CBLB: variants seen among roughly 807,000 people sequenced by gnomAD.
The protein encoded by CBLB is E3 ubiquitin-protein ligase CBL-B.
Under a neutral mutation model 104.9 loss-of-function variants are expected in CBLB, and 31 were observed. That is an observed-to-expected ratio of 0.30 (90% CI 0.22 to 0.40). The LOEUF (loss-of-function observed/expected upper bound fraction) is 0.40. Ranked by LOEUF, CBLB falls within the 10% of genes least tolerant of loss-of-function variation. The pLI is 1.00. For missense variants in CBLB, 1,062 were observed against 1,214.6 expected (o/e 0.87, Z 1.87); for synonymous variants, 440 against 422.6 (o/e 1.04, Z -0.51).
intron 1 of CBLB, 170 bp downstream of exon 1, chr3:105,868,566 G>C (rs1278372748): frequency 5.4e-6 from 2 of 367,264 alleles, no homozygotes; most frequent in Non-Finnish European, 8.4e-6. Context: ...CCTCCTCCCC[G>C]GCCTGCGGGT....
rs938393218 is a variant in CBLB at position 105,671,695 on chromosome 3, G to A, written c.2570-1343C>T. 4.9e-5 allele frequency: 10 copies of A among 204,346 alleles called. 1 individual carries two copies. Among genetic ancestry groups the A allele is most frequent in the Admixed American group, 3.6e-4 (6 of 16,762 alleles). The allele number at this position is 204,346 out of a possible 1,614,324, so 12.7% of individuals were successfully genotyped here. On this transcript the variant is annotated intron_variant, in intron 17 of 18. Coordinates refer to ENST00000394030, the MANE Select transcript of CBLB (RefSeq NM_170662.5). The stretch of plus-strand genomic sequence containing the variant: ...TTATATTAGTTTTTGACTGGATAAT[G>A]TAAGGCAGGATTTGAAGCCATTATC...
chr3:105,767,647 T>C (rs915203532), intron 4 of CBLB, among the ~76,000 whole-genome samples: 4 of 151,130 alleles, frequency 2.6e-5, no homozygotes, highest in Non-Finnish European at 5.9e-5. Flanking sequence ...ATTTAGAGAA[T>C]TTGGACCACT....
At chr3:105,830,248 T>C (rs192144928) in intron 3 of CBLB, among the ~76,000 whole-genome samples, 26 of 152,294 alleles carry the variant, frequency 1.7e-4, no homozygotes, top group African/African-American at 6.0e-4. Flanking sequence ...AGCCACGTAA[T>C]AGGTGTCCAA....
At chr3:105,701,256 ATC>A (rs1576443319) in intron 12 of CBLB, among the ~76,000 whole-genome samples, 2 of 152,328 alleles carry the variant, frequency 1.3e-5, no homozygotes, top group East Asian at 1.9e-4. Context: ...AAGGGTGAGA[ATC>A]TCTCAATTTT....
intron 4 of CBLB, among the ~76,000 whole-genome samples, chr3:105,768,518 G>C (rs949632102): frequency 6.6e-6 from 1 of 152,134 alleles, no homozygotes; most frequent in Admixed American, 6.5e-5. Context: ...TATATGGTAC[G>C]TAAAAGACTC....
intron 4 of CBLB, among the ~76,000 whole-genome samples, chr3:105,769,990 T>C (rs2078673210): frequency 6.6e-6 from 1 of 152,162 alleles, no homozygotes; most frequent in African/African-American, 2.4e-5. Context: ...GGAGAGGCTA[T>C]GTAAGAAGAT....
intron 2 of CBLB, among the ~76,000 whole-genome samples, chr3:105,856,854 A>G (rs1274695737): frequency 6.6e-6 from 1 of 152,200 alleles, no homozygotes; most frequent in Non-Finnish European, 1.5e-5. Flanking sequence ...TAGTATAATC[A>G]GAGTTCATTC....
chr3:105,685,469 A>G lies in CBLB; in HGVS notation c.2055-3T>C. On this transcript the variant is annotated splice_polypyrimidine_tract_variant and splice_region_variant and intron_variant, in intron 13 of 18. Transcript: ENST00000394030. ...AATTTGCTAACGGACCAGTACACCT[A>G]CCAGGGGAAAAAAAATCCAATCTAG... The G allele has an allele frequency of 6.2e-7, 1 of 1,612,002 alleles. No homozygotes were observed. Among genetic ancestry groups the G allele is most frequent in the Admixed American group, 1.7e-5 (1 of 59,944 alleles).
intron 3 of CBLB, among the ~76,000 whole-genome samples, chr3:105,802,391 T>C (rs1577327745): frequency 2.0e-5 from 3 of 152,164 alleles, no homozygotes; most frequent in East Asian, 3.8e-4. Context: ...TAGGTCACCA[T>C]TAGACTCTTA....
At chr3:105,836,287 C>T (rs1350918935) in intron 3 of CBLB, among the ~76,000 whole-genome samples, 2 of 152,190 alleles carry the variant, frequency 1.3e-5, no homozygotes, top group Admixed American at 1.3e-4. Flanking sequence ...CTTTCTAACA[C>T]GCTTACCTGG....
At chr3:105,792,811 A>G (rs570099559) in intron 3 of CBLB, among the ~76,000 whole-genome samples, 1 of 152,274 alleles carries the variant, frequency 6.6e-6, no homozygotes, top group African/African-American at 2.4e-5. Flanking sequence ...ATCTCCATCA[A>G]TCACCATTAA....
At chr3:105,717,280 T>TA (rs1011263076) in intron 10 of CBLB, among the ~76,000 whole-genome samples, 27 of 151,992 alleles carry the variant, frequency 1.8e-4, no homozygotes, top group East Asian at 5.8e-4. Flanking sequence ...TCTTCACAGC[T>TA]AAAAAAAACA....
chr3:105,723,139 C>T (rs926711488), intron 9 of CBLB, among the ~76,000 whole-genome samples: 1 of 152,136 alleles, frequency 6.6e-6, no homozygotes, highest in East Asian at 1.9e-4. Flanking sequence ...GCAAATTAGA[C>T]GTCTAACCAT....
At chr3:105,853,372 T>G in intron 3 of CBLB, 42 bp downstream of exon 3, 1 of 1,606,940 alleles carries the variant, frequency 6.2e-7, no homozygotes, top group Non-Finnish European at 8.5e-7. Context: ...AAAAGCAACA[T>G]AAATGACCTT....
intron 4 of CBLB, among the ~76,000 whole-genome samples, chr3:105,757,468 G>T (rs1180689663): frequency 2.0e-5 from 3 of 152,046 alleles, no homozygotes; most frequent in Non-Finnish European, 4.4e-5. Context: ...GCTGAGAGAG[G>T]GCGTCTTCCA....
intron 10 of CBLB, among the ~76,000 whole-genome samples, chr3:105,708,605 CTCCTATATTTAAATT>C (rs896989651): frequency 6.6e-6 from 1 of 151,908 alleles, no homozygotes; most frequent in African/African-American, 2.4e-5. Context: ...AACCACAGAT[CTCCTATATTTAAATT>C]TCCTATATTC....
chr3:105,712,390 T>A (rs1238396448), intron 10 of CBLB, among the ~76,000 whole-genome samples: 1 of 152,118 alleles, frequency 6.6e-6, no homozygotes, highest in Admixed American at 6.6e-5. Flanking sequence ...CATAACCAAT[T>A]TTGAGAAGGC....
chr3:105,776,367 C>A (rs369001836), intron 4 of CBLB, 29 bp downstream of exon 4: 358 of 1,602,602 alleles, frequency 2.2e-4, no homozygotes, highest in Middle Eastern at 6.6e-4. Flanking sequence ...AAAGATAGAT[C>A]CACAGCTATA....
chr3:105,808,273 T>C (rs2083785023), intron 3 of CBLB, among the ~76,000 whole-genome samples: 1 of 152,200 alleles, frequency 6.6e-6, no homozygotes, highest in Admixed American at 6.5e-5. Flanking sequence ...AGAAAATTTA[T>C]TTTTAAAAAT....
Sources: gnomAD v4.1 joint callset for allele counts (sites outside exome capture counted in the v4.1 genomes callset) on GRCh38, gnomAD v4.1.1 for gene constraint, MANE v1.5 for transcripts, NCBI Gene and HGNC (gene_info 2026-07-23, HGNC 2026-07-21) for gene names.